Variants in SMARCA2 observed in about 807,000 individuals in gnomAD.
SMARCA2 encodes the protein SWI/SNF related BAF chromatin remodeling complex subunit ATPase 2.
Under a neutral mutation model 199.8 loss-of-function variants are expected in SMARCA2, and 61 were observed. That is an observed-to-expected ratio of 0.31 (90% CI 0.25 to 0.38). The LOEUF is 0.38. Ranked by LOEUF, SMARCA2 falls within the 10% of genes least tolerant of loss-of-function variation. The pLI is 1.00. For missense variants in SMARCA2, 1,344 were observed against 2,012.2 expected, an observed-to-expected ratio of 0.67 and a Z score of 6.35; for synonymous variants, 935 against 732.0, an observed-to-expected ratio of 1.28 and a Z score of -4.48.
chr9:2,117,513 C>CA lies in SMARCA2; in HGVS notation c.3684+1471dup, dbSNP rs1372817930. Among the ~76,000 whole-genome samples, 19 of 151,996 alleles carry CA rather than the reference C, an allele frequency of 1.3e-4. 1 individual carries two copies. The highest frequency in any genetic ancestry group is 4.3e-4 in the African/African-American group (18 of 41,478). ...TGTTGTTTATACACTTGGACATTTCCAAAAAAACAATATGGCGAATGATCT... is the reference window on the plus strand; with the variant it reads ...TGTTGTTTATACACTTGGACATTTCCAAAAAAAACAATATGGCGAATGATCT... On this transcript the variant is annotated intron_variant, in intron 25 of 33. Coordinates refer to ENST00000349721, the MANE Select transcript of SMARCA2 (RefSeq NM_003070.5).
At chr9:2,156,605 A>G (rs1305162641) in intron 27 of SMARCA2, among the ~76,000 whole-genome samples, 2 of 151,612 alleles carry the variant, frequency 1.3e-5, no homozygotes, top group Non-Finnish European at 2.9e-5. Flanking sequence ...CTAATTTTGT[A>G]TTTTTAGTAG....
intron 4 of SMARCA2, chr9:2,043,573 A>G (rs996971114): frequency 1.3e-5 from 2 of 152,212 alleles, no homozygotes; most frequent in Non-Finnish European, 2.9e-5. Context: ...GAAATTTTAT[A>G]TGCTCAATTT....
chr9:2,190,497 A>C (rs984496989), intron 32 of SMARCA2, among the ~76,000 whole-genome samples: 6 of 152,262 alleles, frequency 3.9e-5, no homozygotes, highest in Admixed American at 1.3e-4. Flanking sequence ...GTAAACAGCC[A>C]AGTGGAGAAT....
chr9:2,110,243 GAT>G lies in SMARCA2; in HGVS notation c.3293-10_3293-9del, dbSNP rs1563774650. ...AGTTAATTGGCAAATTAATTTTTCT[GAT>G]CCCCTCAGGCACCACCAAGTCTGAA... On this transcript the variant is annotated splice_polypyrimidine_tract_variant and intron_variant, in intron 23 of 33. Coordinates refer to ENST00000349721, the MANE Select transcript of SMARCA2 (RefSeq NM_003070.5). This position sits in a 1 kb window ranked among gnomAD's most constrained non-coding sequence, Gnocchi z 4.8. 6.4e-7 allele frequency: 1 copy of G among 1,574,696 alleles called. No homozygotes were observed. Among genetic ancestry groups the G allele is most frequent in the Non-Finnish European group, 8.6e-7 (1 of 1,164,460 alleles).
intron 31 of SMARCA2, among the ~76,000 whole-genome samples, chr9:2,182,627 T>C (rs1827129502): frequency 6.6e-6 from 1 of 150,916 alleles, no homozygotes; most frequent in South Asian, 2.1e-4. Flanking sequence ...CCCAAGTACC[T>C]GGGATTACAG....
chr9:2,056,934 A>G lies in SMARCA2; in HGVS notation c.1347+89A>G. On this transcript the variant is annotated intron_variant, in intron 7 of 33. Transcript: ENST00000349721. This position sits in a 1 kb window ranked among gnomAD's most constrained non-coding sequence, Gnocchi z 4.0. ...TGGGGTCAGAATGACTGAAAAATGG[A>G]CCCTTGTGGGTGGTGGGGACATCAC... 8.2e-7 allele frequency: 1 copy of G among 1,217,974 alleles called. No homozygotes were observed. The highest frequency in any genetic ancestry group is 1.4e-5 in the South Asian group (1 of 69,328). 75.4% of individuals were successfully genotyped at this position (1,217,974 alleles called of 1,614,324 possible).
At chr9:2,179,164 G>A (rs966168905) in intron 29 of SMARCA2, among the ~76,000 whole-genome samples, 3 of 152,148 alleles carry the variant, frequency 2.0e-5, no homozygotes, top group Non-Finnish European at 4.4e-5. Context: ...AGAGGGGATT[G>A]CCCATGAAAG....
In SMARCA2 at chr9:2,123,657, C is replaced by A; in HGVS notation, c.3763-62C>A. On this transcript the variant is annotated intron_variant, in intron 26 of 33. Transcript: ENST00000349721. The surrounding 1 kb of genome is among the most constrained non-coding windows in gnomAD (Gnocchi z 4.1). ...AGTGACTTGGGGAAGTTGTGTAGTG[C>A]TGGGAAGTCTGCACCATACAGAAGC... The A allele has an allele frequency of 7.0e-7, 1 of 1,422,762 alleles. No individual in the cohort carries two copies. The highest frequency in any genetic ancestry group is 9.9e-7 in the Non-Finnish European group (1 of 1,013,962). The allele number at this position is 1,422,762 out of a possible 1,614,324, so 88.1% of individuals were successfully genotyped here. A position where few individuals can be genotyped will look rare whatever the true frequency, so the allele number is the denominator to read the frequency against.
Position 2,016,654 on chromosome 9 carries a change from G to C in SMARCA2, c.-37+1250G>C, listed in dbSNP as rs1045186371. ...GGTGTGGTTCGCCCGGGAAGGGGAA[G>C]GGCTGCGGTGGGGAGGGAATAGGGG... On this transcript the variant is annotated intron_variant, in intron 1 of 33. Transcript: ENST00000349721. This position sits in a 1 kb window ranked among gnomAD's most constrained non-coding sequence, Gnocchi z 5.6. Among the ~76,000 whole-genome samples the C allele has an allele frequency of 1.3e-5, 2 of 151,578 alleles. No individual in the cohort carries two copies. Among genetic ancestry groups the C allele is most frequent in the Non-Finnish European group, 2.9e-5 (2 of 67,824 alleles).
intron 27 of SMARCA2, among the ~76,000 whole-genome samples, chr9:2,124,410 CTG>C (rs748884281): frequency 1.3e-5 from 2 of 152,198 alleles, no homozygotes; most frequent in Non-Finnish European, 2.9e-5. Context: ...AGTTTTCTAA[CTG>C]TGTGGTTATT....
Position 2,110,273 on chromosome 9 carries a change from T to C in SMARCA2, c.3312T>C (p.Asp1104=). The change falls in exon 24 of 34, where the codon GAT becomes GAC. Residue 1104 remains aspartate, a synonymous_variant. Coordinates refer to ENST00000349721, the MANE Select transcript of SMARCA2 (RefSeq NM_003070.5). This position sits in a 1 kb window ranked among gnomAD's most constrained non-coding sequence, Gnocchi z 4.8. ...CCTCAGGCACCACCAAGTCTGAAGA[T>C]CGTGCTGCTTTGCTGAAGAAATTCA... ...LRLDGTTKSE[D]RAALLKKFNE... The C allele has an allele frequency of 6.2e-7, 1 of 1,612,364 alleles. No homozygotes were observed. Among genetic ancestry groups the C allele is most frequent in the Non-Finnish European group, 8.5e-7 (1 of 1,179,372 alleles).
At chr9:2,146,358 C>G (rs141728902) in intron 27 of SMARCA2, among the ~76,000 whole-genome samples, 6 of 152,092 alleles carry the variant, frequency 3.9e-5, no homozygotes, top group African/African-American at 1.2e-4. Context: ...ATCATTTAGT[C>G]CACAGCAATA....
intron 27 of SMARCA2, among the ~76,000 whole-genome samples, chr9:2,132,012 T>A (rs1823984109): frequency 6.6e-6 from 1 of 151,634 alleles, no homozygotes; most frequent in Non-Finnish European, 1.5e-5. Context: ...ATGTGATACA[T>A]CTCAAGAGAA....
chr9:2,156,222 G>A (rs1490301652), intron 27 of SMARCA2, among the ~76,000 whole-genome samples: 2 of 152,092 alleles, frequency 1.3e-5, no homozygotes, highest in Admixed American at 6.5e-5. Flanking sequence ...ATGTTAAAAG[G>A]GTTGAATTCT....
rs896566626 is a variant in SMARCA2, at chr9:2,104,932, A to G, written c.3292+763A>G. On this transcript the variant is annotated intron_variant, in intron 23 of 33. Coordinates refer to ENST00000349721, the MANE Select transcript of SMARCA2 (RefSeq NM_003070.5). The surrounding 1 kb of genome is among the most constrained non-coding windows in gnomAD (Gnocchi z 4.0). Reference sequence around the variant, plus strand: ...TAAGTAGGAATAGAAGTTAATTTACAGTCAGGATGCTATTTAATCCCTGGG... The same window carrying G: ...TAAGTAGGAATAGAAGTTAATTTACGGTCAGGATGCTATTTAATCCCTGGG... 6.6e-6 allele frequency among the ~76,000 whole-genome samples: 1 copy of G among 152,234 alleles called. No individual in the cohort carries two copies. Among genetic ancestry groups the G allele is most frequent in the Non-Finnish European group, 1.5e-5 (1 of 68,030 alleles).
chr9:2,038,686 T>TC (rs1002037025), intron 3 of SMARCA2, among the ~76,000 whole-genome samples: 3 of 152,104 alleles, frequency 2.0e-5, no homozygotes, highest in African/African-American at 7.2e-5. Context: ...CTGGCTGCCT[T>TC]CCCTTCCTTA....
chr9:2,170,872 TGACTTGATCTCCTGCGA>T lies in SMARCA2; in HGVS notation c.4253+404_4253+420del, dbSNP rs531860976. ...GAAGCTTAATGCGAAGCACCTGTAG[TGACTTGATCTCCTGCGA>T]GACATGAAGAAGCGTGCATGTTCAC... On this transcript the variant is annotated intron_variant, in intron 29 of 33. Transcript: ENST00000349721. The surrounding 1 kb of genome is among the most constrained non-coding windows in gnomAD (Gnocchi z 4.7). 9.8e-5 allele frequency among the ~76,000 whole-genome samples: 15 copies of T among 152,342 alleles called. 1 individual carries two copies. In the South Asian group the frequency reaches 2.7e-3, roughly 27 times the overall value.
chr9:2,044,392 A>G (rs1819744126), intron 4 of SMARCA2: 1 of 152,210 alleles, frequency 6.6e-6, no homozygotes, highest in African/African-American at 2.4e-5. Flanking sequence ...CTGTTGAAAC[A>G]CTTAGAAATT....
In SMARCA2 at chr9:2,169,824, G is replaced by A. The variant is rs1301238295; in HGVS notation, c.4200-595G>A. Reference sequence around the variant, plus strand: ...GCTTGTAGAAGTGCCCAAGACGCCAGGTGGTGGTTTATTTTCATTTCCCAC... The same window carrying A: ...GCTTGTAGAAGTGCCCAAGACGCCAAGTGGTGGTTTATTTTCATTTCCCAC... On this transcript the variant is annotated intron_variant, in intron 28 of 33. Transcript: ENST00000349721. The surrounding 1 kb of genome is among the most constrained non-coding windows in gnomAD (Gnocchi z 6.5). Among the ~76,000 whole-genome samples the A allele has an allele frequency of 6.6e-6, 1 of 152,166 alleles. No individual in the cohort carries two copies. The highest frequency in any genetic ancestry group is 2.4e-5 in the African/African-American group (1 of 41,428).
Sources: gnomAD v4.1 joint callset for allele counts (sites outside exome capture counted in the v4.1 genomes callset) on GRCh38, gnomAD v4.1.1 for gene constraint, Gnocchi (gnomAD v3.1) non-coding constraint, MANE v1.5 for transcripts, NCBI Gene and HGNC (gene_info 2026-07-23, HGNC 2026-07-21) for gene names.